NXN: variants seen among roughly 807,000 people sequenced by gnomAD.
The protein encoded by NXN is nucleoredoxin.
NXN carries 16 observed loss-of-function variants against 48.6 expected under a neutral mutation model. That is an observed-to-expected ratio of 0.33 (90% CI 0.22 to 0.50). The LOEUF (loss-of-function observed/expected upper bound fraction) is 0.50, where lower values mean the gene tolerates loss of function less well. NXN is among the 20% of genes least tolerant of loss of function. The pLI is 0.98. For synonymous variants in NXN, 281 were observed against 269.6 expected, an observed-to-expected ratio of 1.04 and a Z score of -0.41; for missense variants, 492 against 605.5, an observed-to-expected ratio of 0.81 and a Z score of 1.97.
chr17:979,247 C>CGGGCGTGGGGGGCGGGCAGGGGTAAT (rs2069504804), intron 1 of NXN, 72 bp downstream of exon 1: 2 of 831,552 alleles, frequency 2.4e-6, no homozygotes, highest in African/African-American at 9.5e-5. Context: ...GCAGGGGTAA[C>CGGGCGTGGGGGGCGGGCAGGGGTAAT]GGGCGTGGGG....
chr17:912,083 G>A (rs545081324), intron 1 of NXN, among the ~76,000 whole-genome samples: 1 of 151,918 alleles, frequency 6.6e-6, no homozygotes, highest in Non-Finnish European at 1.5e-5. Flanking sequence ...GATTACAGGC[G>A]CCCGCTACCA....
rs116554348 is a variant in NXN at position 812,368 on chromosome 17, G to A, written c.820+7071C>T. Among the ~76,000 whole-genome samples the A allele has an allele frequency of 1.3e-3, 195 of 152,360 alleles. 2 individuals carry two copies. Among genetic ancestry groups the A allele is most frequent in the African/African-American group, 4.5e-3 (189 of 41,592 alleles). ...TGGAGGCGGCTCCCTTTGGGTGCAG[G>A]CAGGGGGTGTACCTGGCACTGCTCT... On this transcript the variant is annotated intron_variant, in intron 5 of 7. Transcript: ENST00000336868.
intron 1 of NXN, among the ~76,000 whole-genome samples, chr17:902,337 G>A (rs1262896423): frequency 2.0e-5 from 3 of 152,338 alleles, no homozygotes; most frequent in South Asian, 4.1e-4. Flanking sequence ...ACGAGGATCC[G>A]TGAGGTTGAT....
rs531844497 is a variant in NXN, at chr17:896,216, T to C, written c.361-70138A>G. ...TTAGCCGGGCGTGGTGGCGCATGCC[T>C]GTAATCCCAGCTACTCGGGAGGCTG... On this transcript the variant is annotated intron_variant, in intron 1 of 7. Coordinates refer to ENST00000336868, the MANE Select transcript of NXN (RefSeq NM_022463.5). Among the ~76,000 whole-genome samples the C allele has an allele frequency of 1.1e-4, 16 of 151,844 alleles. No homozygotes were observed. The Middle Eastern group carries it at 0.01, about 97-fold the overall frequency.
At chr17:897,747 C>T (rs1349675703) in intron 1 of NXN, among the ~76,000 whole-genome samples, 1 of 152,188 alleles carries the variant, frequency 6.6e-6, no homozygotes, top group Non-Finnish European at 1.5e-5. Flanking sequence ...ACGATCTCGG[C>T]TCACTGCAAC....
chr17:844,378 G>A (rs1238462184), intron 1 of NXN, among the ~76,000 whole-genome samples: 2 of 145,384 alleles, frequency 1.4e-5, no homozygotes, highest in African/African-American at 5.0e-5. Flanking sequence ...TTAGCTGGAA[G>A]GTGGAGACCA....
At chr17:933,548 A>T (rs1047510797) in intron 1 of NXN, 7 of 151,782 alleles carry the variant, frequency 4.6e-5, no homozygotes, top group African/African-American at 1.7e-4. Flanking sequence ...TTGGATACAC[A>T]CTTTCTGCAC....
intron 1 of NXN, among the ~76,000 whole-genome samples, chr17:944,758 A>G (rs1231315478): frequency 1.3e-5 from 2 of 152,036 alleles, no homozygotes; most frequent in Non-Finnish European, 2.9e-5. Context: ...TGTATCCCTC[A>G]CTCTTGGAAA....
At chr17:955,881 G>C (rs180681122) in intron 1 of NXN, among the ~76,000 whole-genome samples, 2 of 150,976 alleles carry the variant, frequency 1.3e-5, no homozygotes, top group African/African-American at 4.9e-5. Context: ...CAGCCTGGGC[G>C]ACAGAGCGAG....
At chr17:826,238 C>G (rs533070733) in intron 1 of NXN, among the ~76,000 whole-genome samples, 160 bp from the exon 2 acceptor site, 1 of 152,080 alleles carries the variant, frequency 6.6e-6, no homozygotes, top group African/African-American at 2.4e-5. Flanking sequence ...CAAAGGGGCA[C>G]GTTAACTACA....
At chr17:977,179 G>T (rs1597294411) in intron 1 of NXN, among the ~76,000 whole-genome samples, 1 of 152,198 alleles carries the variant, frequency 6.6e-6, no homozygotes, top group East Asian at 1.9e-4. Context: ...AAGATCTTGA[G>T]TGGTTTGTTC....
In NXN at chr17:825,293, T is replaced by C. The variant is rs531564602; in HGVS notation, c.478+668A>G. 1.3e-5 allele frequency among the ~76,000 whole-genome samples: 2 copies of C among 152,054 alleles called. No homozygotes were observed. Among genetic ancestry groups the C allele is most frequent in the South Asian group, 2.1e-4 (1 of 4,804 alleles). ...CCGTGGTTTTTACTGAGGACAATTC[T>C]TTGAAGTAGGTGGCATTTTTACTGG... On this transcript the variant is annotated intron_variant, in intron 2 of 7. Coordinates refer to ENST00000336868, the MANE Select transcript of NXN (RefSeq NM_022463.5). This position sits in a 1 kb window ranked among gnomAD's most constrained non-coding sequence, Gnocchi z 4.1.
chr17:885,109 T>G (rs1054805418), intron 1 of NXN, among the ~76,000 whole-genome samples: 1 of 152,018 alleles, frequency 6.6e-6, no homozygotes, highest in African/African-American at 2.4e-5. Context: ...CAGGAAAGGG[T>G]CTCATTCAGG....
rs140431174 is a variant in NXN, at chr17:905,542, A to T, written c.360+73777T>A. Among the ~76,000 whole-genome samples, 923 of 152,354 alleles carry T rather than the reference A, an allele frequency of 6.1e-3. 4 individuals carry two copies. Among genetic ancestry groups the T allele is most frequent in the Non-Finnish European group, 9.3e-3 (633 of 68,030 alleles). ...GGGGTGCTCTTACAGGCTAGAACGTAGTAAAATATGAGACATGTTACCGAT... is the reference window on the plus strand; with the variant it reads ...GGGGTGCTCTTACAGGCTAGAACGTTGTAAAATATGAGACATGTTACCGAT... On this transcript the variant is annotated intron_variant, in intron 1 of 7. Transcript: ENST00000336868.
intron 1 of NXN, among the ~76,000 whole-genome samples, chr17:874,525 G>A (rs768632722): frequency 1.3e-5 from 2 of 152,216 alleles, no homozygotes; most frequent in Non-Finnish European, 2.9e-5. Context: ...CAGAGGCTGC[G>A]GTGAGCCGAG....
chr17:887,437 G>A (rs532144507), intron 1 of NXN, among the ~76,000 whole-genome samples: 7 of 152,186 alleles, frequency 4.6e-5, no homozygotes, highest in East Asian at 3.9e-4. Context: ...TCATATGCTC[G>A]TCACCAAAGT....
At chr17:806,633 T>C (rs1169581340) in intron 5 of NXN, among the ~76,000 whole-genome samples, 1 of 152,134 alleles carries the variant, frequency 6.6e-6, no homozygotes, top group Non-Finnish European at 1.5e-5. Context: ...GAATTTTATG[T>C]GAAAGTCAGA....
In NXN at chr17:840,408, C is replaced by T. The variant is rs112767141; in HGVS notation, c.361-14330G>A. On this transcript the variant is annotated intron_variant, in intron 1 of 7. Transcript: ENST00000336868. ...AGGCTGGGGTGAAGTGGCGCCATCT[C>T]GGCTCATTGCAAGCTCCACCTCCCG... Among the ~76,000 whole-genome samples the T allele has an allele frequency of 1.7e-3, 258 of 152,124 alleles. 2 individuals are homozygous for T. Among genetic ancestry groups the T allele is most frequent in the Non-Finnish European group, 3.0e-3 (205 of 67,996 alleles).
rs953089465 is a variant in NXN at position 919,230 on chromosome 17, G to A, written c.360+60089C>T. Among the ~76,000 whole-genome samples the A allele has an allele frequency of 2.0e-5, 3 of 152,124 alleles. No individual in the cohort carries two copies. Among genetic ancestry groups the A allele is most frequent in the Non-Finnish European group, 2.9e-5 (2 of 68,014 alleles). ...ATACAAAAATCAGCCGGGCGTCATG[G>A]CGGGCACCTGTAGTCCCAGTTCCTT... On this transcript the variant is annotated intron_variant, in intron 1 of 7. Coordinates refer to ENST00000336868, the MANE Select transcript of NXN (RefSeq NM_022463.5). The surrounding 1 kb of genome is among the most constrained non-coding windows in gnomAD (Gnocchi z 5.1).
Sources: gnomAD v4.1 joint callset for allele counts (sites outside exome capture counted in the v4.1 genomes callset) on GRCh38, gnomAD v4.1.1 for gene constraint, Gnocchi (gnomAD v3.1) non-coding constraint, MANE v1.5 for transcripts, NCBI Gene and HGNC (gene_info 2026-07-23, HGNC 2026-07-21) for gene names.